PARP11: variants seen among roughly 807,000 people sequenced by gnomAD.
The protein encoded by PARP11 is protein mono-ADP-ribosyltransferase PARP11.
In PARP11, 31 loss-of-function variants were observed where a neutral mutation model predicts 42.9. The ratio of observed to expected loss-of-function variants is 0.72; its 90% CI spans 0.54 to 0.98. The LOEUF is 0.98. PARP11 is among the 50% of genes least tolerant of loss of function. The pLI is 0.00. For missense variants in PARP11, 365 were observed against 413.1 expected (o/e 0.88, Z 1.01); for synonymous variants, 137 against 127.3 (o/e 1.08, Z -0.51).
Position 3,809,421 on chromosome 12 carries a change from T to C in PARP11, c.*2702A>G, listed in dbSNP as rs1741708056. ...AACAAGCCCCAAAAAACCGGTATAG[T>C]ACCTTCTTACAATGGCTACTGCAGT... On this transcript the variant is annotated 3_prime_UTR_variant, in exon 8 of 8. Transcript: ENST00000228820. The C allele has an allele frequency of 6.6e-6, 1 of 152,200 alleles. No homozygotes were observed. The highest frequency in any genetic ancestry group is 1.9e-4 in the East Asian group (1 of 5,200). The allele number at this position is 152,200 out of a possible 1,614,324, so 9.4% of individuals were successfully genotyped here. A position where few individuals can be genotyped will look rare whatever the true frequency, so the allele number is the denominator to read the frequency against.
rs1947849415 is a variant in PARP11 at position 3,839,790 on chromosome 12, G to C, written c.19-9772C>G. The C allele has an allele frequency of 4.4e-6, 5 of 1,135,742 alleles. No homozygotes were observed. The Admixed American group carries it at 8.4e-5, about 19-fold the overall frequency. The allele number at this position is 1,135,742 out of a possible 1,614,324, so 70.4% of individuals were successfully genotyped here. A position where few individuals can be genotyped will look rare whatever the true frequency, so the allele number is the denominator to read the frequency against. On this transcript the variant is annotated intron_variant, in intron 1 of 7. Transcript: ENST00000228820. ...TAAAGTATAAAGAAAGCTCTGCTAT[G>C]TGTCAGTCTCTCCTTTATGAATTGC...
At chr12:3,841,383 G>A (rs1004907885) in intron 1 of PARP11, 165 of 1,312,222 alleles carry the variant, frequency 1.3e-4, no homozygotes, top group Middle Eastern at 3.7e-4. Context: ...TGTACCCAAA[G>A]GTCCCTGTCC....
At chr12:3,832,087 T>A (rs1947653766) in intron 1 of PARP11, 8 of 908,394 alleles carry the variant, frequency 8.8e-6, no homozygotes, top group Non-Finnish European at 1.1e-5. Flanking sequence ...ACATATAACA[T>A]GTGTGCTCCG....
chr12:3,825,239 A>T (rs926085035), intron 4 of PARP11, among the ~76,000 whole-genome samples: 1 of 152,256 alleles, frequency 6.6e-6, no homozygotes, highest in Non-Finnish European at 1.5e-5. Context: ...CATTCACATG[A>T]ATAATAAATA....
chr12:3,850,859 T>C (rs900145109), intron 1 of PARP11, among the ~76,000 whole-genome samples: 3 of 152,164 alleles, frequency 2.0e-5, no homozygotes, highest in Non-Finnish European at 4.4e-5. Flanking sequence ...CCACTATATA[T>C]ATGATCTGAA....
At chr12:3,832,757 G>A (rs775985089) in intron 1 of PARP11, among the ~76,000 whole-genome samples, 18 of 152,270 alleles carry the variant, frequency 1.2e-4, no homozygotes, top group South Asian at 4.1e-4. Flanking sequence ...ACCAGTTATC[G>A]GTTATGAAGC....
intron 1 of PARP11, among the ~76,000 whole-genome samples, chr12:3,847,733 T>C (rs1948029601): frequency 6.6e-6 from 1 of 151,788 alleles, no homozygotes; most frequent in Non-Finnish European, 1.5e-5. Flanking sequence ...TGGGAAAAAA[T>C]TAAAAGCCTT....
At chr12:3,826,827 A>G (rs1205685606) in intron 3 of PARP11, among the ~76,000 whole-genome samples, 1 of 152,196 alleles carries the variant, frequency 6.6e-6, no homozygotes, top group Non-Finnish European at 1.5e-5. Flanking sequence ...TAAAGGTATC[A>G]TTTTCTGCTT....
rs768779447 is a variant in PARP11, at chr12:3,814,162, CT to C, written c.574del (p.Arg192GlufsTer32). 6 of 1,603,714 alleles carry C rather than the reference CT, an allele frequency of 3.7e-6. No individual in the cohort carries two copies. Among genetic ancestry groups the C allele is most frequent in the South Asian group, 1.1e-5 (1 of 89,588 alleles). ...TTGTTCATTAATCTGAGGCACACCTCTTTTTTTCTTGAGCTGAGCCTTTTTC... is the reference window on the plus strand; with the variant it reads ...TTGTTCATTAATCTGAGGCACACCTCTTTTTTCTTGAGCTGAGCCTTTTTC... ...CRKKAQLKKK[R>X]GVPQINEQML... On this transcript the variant is annotated frameshift_variant, in exon 7 of 8. Coordinates refer to ENST00000228820, the MANE Select transcript of PARP11 (RefSeq NM_020367.6). LOFTEE classifies it high-confidence loss of function.
At chr12:3,836,538 G>A (rs1461300959) in intron 1 of PARP11, among the ~76,000 whole-genome samples, 2 of 144,796 alleles carry the variant, frequency 1.4e-5, no homozygotes, top group African/African-American at 5.8e-5. Context: ...GGATAAAAAA[G>A]AAAAGAGCGC....
intron 1 of PARP11, among the ~76,000 whole-genome samples, chr12:3,870,531 A>G (rs1948457368): frequency 6.6e-6 from 1 of 152,242 alleles, no homozygotes; most frequent in Non-Finnish European, 1.5e-5. Context: ...ATAATCCAAC[A>G]GCAAATTCTG....
At position 3,840,191 on chromosome 12, in the gene PARP11, A is replaced by G. The variant is rs879229571; in HGVS notation, c.19-10173T>C. ...AAATGTCAAGTTAGGTTGGATCACA[A>G]TGGAAAATTTTTGAATGCAGACGTT... On this transcript the variant is annotated intron_variant, in intron 1 of 7. Coordinates refer to ENST00000228820, the MANE Select transcript of PARP11 (RefSeq NM_020367.6). This position sits in a 1 kb window ranked among gnomAD's most constrained non-coding sequence, Gnocchi z 4.4. 1.7e-5 allele frequency: 27 copies of G among 1,611,158 alleles called. No individual in the cohort carries two copies. The highest frequency in any genetic ancestry group is 1.6e-4 in the Middle Eastern group (1 of 6,082).
At chr12:3,869,848 C>G (rs1177979472) in intron 1 of PARP11, among the ~76,000 whole-genome samples, 1 of 152,234 alleles carries the variant, frequency 6.6e-6, no homozygotes, top group Non-Finnish European at 1.5e-5. Flanking sequence ...CTGTTCTGTT[C>G]ACCACTGTAA....
In PARP11 at chr12:3,812,045, G is replaced by T; in HGVS notation, c.*78C>A. 7 of 1,036,148 alleles carry T rather than the reference G, an allele frequency of 6.8e-6. No homozygotes were observed. The highest frequency in any genetic ancestry group is 9.8e-6 in the Non-Finnish European group (7 of 710,768). 64.2% of individuals were successfully genotyped at this position (1,036,148 alleles called of 1,614,324 possible). ...AAAAGTATCAGATAATTAACATTTA[G>T]TGGCTAGATGACTGAAGAGCAAACC... On this transcript the variant is annotated 3_prime_UTR_variant, in exon 8 of 8. Transcript: ENST00000228820.
intron 1 of PARP11, chr12:3,839,954 C>A (rs1302668537): frequency 3.1e-6 from 4 of 1,271,160 alleles, no homozygotes; most frequent in African/African-American, 1.5e-5. Context: ...GTTGCTGCTG[C>A]TGATGTGAAT....
In PARP11 at chr12:3,840,901, G is replaced by T; in HGVS notation, c.19-10883C>A. 6.2e-7 allele frequency: 1 copy of T among 1,602,712 alleles called. No homozygotes were observed. Among genetic ancestry groups the T allele is most frequent in the Non-Finnish European group, 8.6e-7 (1 of 1,169,544 alleles). On this transcript the variant is annotated intron_variant, in intron 1 of 7. Coordinates refer to ENST00000228820, the MANE Select transcript of PARP11 (RefSeq NM_020367.6). This position sits in a 1 kb window ranked among gnomAD's most constrained non-coding sequence, Gnocchi z 4.4. Reference sequence around the variant, plus strand: ...TTTGTCAAATCCAGCTCCCCTTCTAGTTTCTCCAGAGGTACATCTAACTCC... The same window carrying T: ...TTTGTCAAATCCAGCTCCCCTTCTATTTTCTCCAGAGGTACATCTAACTCC...
At chr12:3,826,283 A>T in intron 3 of PARP11, 50 bp from the exon 4 acceptor site, 2 of 1,305,126 alleles carry the variant, frequency 1.5e-6, no homozygotes, top group Non-Finnish European at 2.1e-6. Flanking sequence ...ACACTGTACT[A>T]TAAAGTGTCA....
At chr12:3,849,190 G>A (rs1948051249) in intron 1 of PARP11, among the ~76,000 whole-genome samples, 1 of 152,092 alleles carries the variant, frequency 6.6e-6, no homozygotes, top group South Asian at 2.1e-4. Context: ...GGAGAAAATG[G>A]AACCCTCGTT....
intron 1 of PARP11, among the ~76,000 whole-genome samples, chr12:3,839,134 G>A (rs530765265): frequency 3.7e-4 from 56 of 150,626 alleles, no homozygotes; most frequent in African/African-American, 1.3e-3. Context: ...CGCCCGGAGA[G>A]CGCGGACCGC....
Sources: gnomAD v4.1 joint callset for allele counts (sites outside exome capture counted in the v4.1 genomes callset) on GRCh38, gnomAD v4.1.1 for gene constraint, Gnocchi (gnomAD v3.1) non-coding constraint, MANE v1.5 for transcripts, NCBI Gene and HGNC (gene_info 2026-07-23, HGNC 2026-07-21) for gene names.